The following SLC47A2 variants were observed in gnomAD, a reference collection of about 807,000 sequenced individuals.
SLC47A2 encodes solute carrier family 47 member 2.
Under a neutral mutation model 67.7 loss-of-function variants are expected in SLC47A2, and 52 were observed. That is an observed-to-expected ratio of 0.77 (90% CI 0.61 to 0.97). The LOEUF (loss-of-function observed/expected upper bound fraction) is 0.97. Among genes scored for constraint, SLC47A2 ranks in the 50% least tolerant of loss-of-function variants. SLC47A2 has a pLI of 0.00. For synonymous variants in SLC47A2, 278 were observed against 292.9 expected (o/e 0.95, Z 0.52); for missense variants, 676 against 712.3 (o/e 0.95, Z 0.58).
upstream of SLC47A2, chr17:19,718,475 A>G (rs1267463140): frequency 6.6e-6 from 1 of 152,408 alleles, no homozygotes. Context: ...CTTTATCCAG[A>G]GCTGACCAGT....
chr17:19,696,813 T>G (rs1048924120), intron 13 of SLC47A2, among the ~76,000 whole-genome samples: 7 of 152,192 alleles, frequency 4.6e-5, no homozygotes, highest in African/African-American at 1.4e-4. Flanking sequence ...GAACAGAAAT[T>G]TATTTGGCTC....
chr17:19,697,059 A>C (rs1253271055), intron 13 of SLC47A2, among the ~76,000 whole-genome samples: 1 of 152,222 alleles, frequency 6.6e-6, no homozygotes, highest in East Asian at 1.9e-4. Context: ...TGGGAGGCTG[A>C]GGCGGGCGGA....
Position 19,681,230 on chromosome 17 carries a change from A to AAAC in SLC47A2, c.1392+136_1392+137insGTT, listed in dbSNP as rs2085306977. ...TCCATCTCACAAACAAACAAACAAA[A>AAAC]AAAAAAAACACCTGCAGCTTATACC... On this transcript the variant is annotated intron_variant, in intron 15 of 16. Transcript: ENST00000433844. The AAAC allele has an allele frequency of 4.7e-5, 32 of 686,644 alleles. No homozygotes were observed. The Middle Eastern group carries it at 1.3e-3, about 27-fold the overall frequency. 42.5% of individuals were successfully genotyped at this position (686,644 alleles called of 1,614,324 possible). A position where few individuals can be genotyped will look rare whatever the true frequency, so the allele number is the denominator to read the frequency against.
intron 13 of SLC47A2, among the ~76,000 whole-genome samples, chr17:19,687,585 A>G (rs1462023480): frequency 6.6e-6 from 1 of 152,132 alleles, no homozygotes; most frequent in East Asian, 1.9e-4. Flanking sequence ...TGAAAAAATA[A>G]ACAAAATAGA....
At chr17:19,686,438 A>G (rs2085430520) in intron 13 of SLC47A2, among the ~76,000 whole-genome samples, 1 of 152,226 alleles carries the variant, frequency 6.6e-6, no homozygotes, top group Admixed American at 6.5e-5. Context: ...GGCAGGACTG[A>G]GTCCTAACTT....
Position 19,713,927 on chromosome 17 carries a change from C to T in SLC47A2, c.341G>A (p.Arg114Gln). 6.2e-7 allele frequency: 1 copy of T among 1,613,454 alleles called. No individual in the cohort carries two copies. The highest frequency in any genetic ancestry group is 2.2e-5 in the East Asian group (1 of 44,852). The change falls in exon 4 of 17, where the codon CGG becomes CAG. Residue 114 changes from arginine (R) to glutamine (Q), a missense_variant. Arg to Gln is a conservative substitution (Grantham distance 43). Coordinates refer to ENST00000433844, the MANE Select transcript of SLC47A2 (RefSeq NM_001099646.3). The part of the protein sequence containing the change: ...NKKHVGVILQ[R>Q]GALVLLLCCL... ...GCAGAGGAGCAGGACCAGCGCGCCC[C>T]GCTGCAGGATCACGCCCACGTGCTT...
At chr17:19,681,888 C>T (rs1597587449) in intron 13 of SLC47A2, among the ~76,000 whole-genome samples, 1 of 152,132 alleles carries the variant, frequency 6.6e-6, no homozygotes, top group Non-Finnish European at 1.5e-5. Flanking sequence ...GTGTTTTGAA[C>T]ACAACCCTAC....
chr17:19,681,318 G>A, intron 15 of SLC47A2, 49 bp downstream of exon 15: 1 of 1,454,968 alleles, frequency 6.9e-7, no homozygotes, highest in Non-Finnish European at 9.3e-7. Context: ...TCCACCTGCT[G>A]GGGTCAGGTG....
chr17:19,710,483 G>A (rs991403212), intron 5 of SLC47A2, among the ~76,000 whole-genome samples: 1 of 151,030 alleles, frequency 6.6e-6, no homozygotes, highest in East Asian at 1.9e-4. Flanking sequence ...ACAGAGTTTC[G>A]CTCGTGTTGC....
intron 15 of SLC47A2, among the ~76,000 whole-genome samples, chr17:19,680,682 A>G (rs2085292894): frequency 6.6e-6 from 1 of 152,140 alleles, no homozygotes; most frequent in African/African-American, 2.4e-5. Context: ...CTGTTTAAAA[A>G]GGACATCAAA....
At position 19,713,905 on chromosome 17, in the gene SLC47A2, G is replaced by A; in HGVS notation, c.363C>T (p.Leu121=). 6.2e-7 allele frequency: 1 copy of A among 1,613,880 alleles called. No homozygotes were observed. Among genetic ancestry groups the A allele is most frequent in the South Asian group, 1.1e-5 (1 of 91,074 alleles). ...ILQRGALVLL[L]CCLPCWALFL... ...AGAGCGCCCAGCAAGGGAGGCAGCA[G>A]AGGAGCAGGACCAGCGCGCCCCGCT... Residue 121 remains leucine, a synonymous_variant, in exon 4 of 17, where the codon CTC becomes CTT. Coordinates refer to ENST00000433844, the MANE Select transcript of SLC47A2 (RefSeq NM_001099646.3).
chr17:19,716,746 A>G (rs1438107916), upstream of SLC47A2: 2 of 821,342 alleles, frequency 2.4e-6, no homozygotes, highest in Admixed American at 6.8e-5. Context: ...CCTGCTGCCA[A>G]GCCTACTGCC....
At chr17:19,702,293 G>A (rs1375325113) in intron 13 of SLC47A2, 1 of 985,154 alleles carries the variant, frequency 1.0e-6, no homozygotes, top group African/African-American at 1.7e-5. Flanking sequence ...TGGGGCACAG[G>A]TCAATGTCAT....
rs890802628 is a variant in SLC47A2, at chr17:19,716,525, C to A, written c.31G>T (p.Asp11Tyr). 2.7e-5 allele frequency: 43 copies of A among 1,611,324 alleles called. No individual in the cohort carries two copies. The highest frequency in any genetic ancestry group is 3.5e-5 in the Non-Finnish European group (41 of 1,178,996). Reference sequence around the variant, plus strand: ...AGGGCAGGGCAGCAGCCCCCATGGTCCAGGGCCACTGTGTCCTGGAGGCTG... The same window carrying A: ...AGGGCAGGGCAGCAGCCCCCATGGTACAGGGCCACTGTGTCCTGGAGGCTG... The part of the protein sequence containing the change: MDSLQDTVAL[D>Y]HGGCCPALSR... Residue 11 changes from aspartate to tyrosine, a missense_variant, in exon 1 of 17, where the codon GAC (aspartate) becomes TAC (tyrosine). Physicochemically the swap from Asp to Tyr is radical, Grantham distance 160. Transcript: ENST00000433844.
chr17:19,710,795 C>T (rs2086072668), intron 5 of SLC47A2, among the ~76,000 whole-genome samples: 1 of 149,820 alleles, frequency 6.7e-6, no homozygotes, highest in Admixed American at 6.7e-5. Flanking sequence ...AGGAATAGGA[C>T]TTACATACAC....
rs527619583 is a variant in SLC47A2 at position 19,678,974 on chromosome 17, G to A, written c.1481-68C>T. On this transcript the variant is annotated intron_variant, in intron 16 of 16. Transcript: ENST00000433844. ...GAGGGAGAGCTTTGGCCTTGGAATC[G>A]GGAAACCTAGGTTAACCACCTGGCT... 7.0e-5 allele frequency: 96 copies of A among 1,375,730 alleles called. 1 individual carries two copies. In the South Asian group the frequency reaches 1.1e-3, roughly 16 times the overall value. 85.2% of individuals were successfully genotyped at this position (1,375,730 alleles called of 1,614,324 possible).
At chr17:19,709,520 T>A (rs1379831103) in intron 5 of SLC47A2, among the ~76,000 whole-genome samples, 2 of 152,192 alleles carry the variant, frequency 1.3e-5, no homozygotes. Context: ...AGATGTGTGA[T>A]CTTGGGCAAG....
chr17:19,714,113 A>G (rs2152363750), intron 3 of SLC47A2, 140 bp from the exon 4 acceptor site: 1 of 1,170,506 alleles, frequency 8.5e-7, no homozygotes, highest in East Asian at 2.6e-5. Flanking sequence ...TGGCGCCCGC[A>G]GCCTGTAATG....
Position 19,680,045 on chromosome 17 carries a change from G to C in SLC47A2, c.1393-6C>G. ...CGGCCTGAATGTTTCTTAGCCTAAA[G>C]GAGAAAGAACTCAATTGGGTCAACC... is the stretch of plus-strand genomic sequence containing the variant. On this transcript the variant is annotated splice_polypyrimidine_tract_variant and splice_region_variant and intron_variant, in intron 15 of 16. Coordinates refer to ENST00000433844, the MANE Select transcript of SLC47A2 (RefSeq NM_001099646.3). 6.2e-7 allele frequency: 1 copy of C among 1,613,396 alleles called. No individual in the cohort carries two copies. Among genetic ancestry groups the C allele is most frequent in the Non-Finnish European group, 8.5e-7 (1 of 1,179,770 alleles).
Sources: gnomAD v4.1 joint callset for allele counts (sites outside exome capture counted in the v4.1 genomes callset) on GRCh38, gnomAD v4.1.1 for gene constraint, MANE v1.5 for transcripts, NCBI Gene and HGNC (gene_info 2026-07-23, HGNC 2026-07-21) for gene names.